GTPBP2: variants seen among roughly 807,000 people sequenced by gnomAD.
The protein encoded by GTPBP2 is GTP binding protein 2, also known as GTP-binding protein 2.
Under a neutral mutation model 63.0 loss-of-function variants are expected in GTPBP2, and 32 were observed. The ratio of observed to expected loss-of-function variants is 0.51; its 90% CI spans 0.38 to 0.68. The LOEUF is 0.68. Among genes scored for constraint, GTPBP2 ranks in the 30% least tolerant of loss-of-function variants. The pLI, the probability that GTPBP2 is intolerant of heterozygous loss-of-function variation, is 0.00. For synonymous variants in GTPBP2, 310 were observed against 322.6 expected (o/e 0.96, Z 0.42); for missense variants, 492 against 796.9 (o/e 0.62, Z 4.61).
In GTPBP2 at chr6:43,622,570, C is replaced by T. The variant is rs1364748008; in HGVS notation, c.1467+63G>A. 3.4e-6 allele frequency: 5 copies of T among 1,455,626 alleles called. No homozygotes were observed. Among genetic ancestry groups the T allele is most frequent in the Non-Finnish European group, 4.7e-6 (5 of 1,053,386 alleles). The allele number at this position is 1,455,626 out of a possible 1,614,324, so 90.2% of individuals were successfully genotyped here. A position where few individuals can be genotyped will look rare whatever the true frequency, so the allele number is the denominator to read the frequency against. Reference sequence around the variant, plus strand: ...GAAGCACCTTAGATAGGTGCTCATTCAGTAGCCAGTCTCCTAGGCACTTCT... The same window carrying T: ...GAAGCACCTTAGATAGGTGCTCATTTAGTAGCCAGTCTCCTAGGCACTTCT... On this transcript the variant is annotated intron_variant, in intron 10 of 11. Transcript: ENST00000307126. The surrounding 1 kb of genome is among the most constrained non-coding windows in gnomAD (Gnocchi z 5.4).
chr6:43,625,720 T>C lies in GTPBP2; in HGVS notation c.507+36A>G, dbSNP rs751688996. The C allele has an allele frequency of 6.5e-7, 1 of 1,529,174 alleles. No homozygotes were observed. 94.7% of individuals were successfully genotyped at this position (1,529,174 alleles called of 1,614,324 possible). ...CTGCCACCACAGGGCCCTTCCACAG[T>C]GTGGACATGAGAGACAGGGATGGGT... On this transcript the variant is annotated intron_variant, in intron 4 of 11. Transcript: ENST00000307126. The surrounding 1 kb of genome is among the most constrained non-coding windows in gnomAD (Gnocchi z 5.1).
upstream of GTPBP2, among the ~76,000 whole-genome samples, chr6:43,630,675 G>A (rs1380750582): frequency 2.0e-5 from 3 of 150,926 alleles, no homozygotes; most frequent in South Asian, 4.2e-4. Flanking sequence ...CCCGGGAGGC[G>A]GAGGTTGCAG....
intron 9 of GTPBP2, 111 bp downstream of exon 9, chr6:43,623,626 T>C: frequency 1.2e-6 from 1 of 801,800 alleles, no homozygotes. Context: ...CAAATAAGCA[T>C]GTCCTTTAAA....
rs772023317 is a variant in GTPBP2 at position 43,621,056 on chromosome 6, C to T, written c.*558G>A. 1 of 240,888 alleles carries T rather than the reference C, an allele frequency of 4.2e-6. No individual in the cohort carries two copies. The allele number at this position is 240,888 out of a possible 1,614,324, so 14.9% of individuals were successfully genotyped here. A position where few individuals can be genotyped will look rare whatever the true frequency, so the allele number is the denominator to read the frequency against. On this transcript the variant is annotated 3_prime_UTR_variant, in exon 12 of 12. Coordinates refer to ENST00000307126, the MANE Select transcript of GTPBP2 (RefSeq NM_019096.5). ...AAGCTGAGGAAGAGGCCTCAGGCCTCAGCACAGGGTGGCAACACTACCATT... is the reference window on the plus strand; with the variant it reads ...AAGCTGAGGAAGAGGCCTCAGGCCTTAGCACAGGGTGGCAACACTACCATT...
In GTPBP2 at chr6:43,624,990, C is replaced by T; in HGVS notation, c.778G>A (p.Asp260Asn). ...AGGTACTTATGGTGGCCTGCCAGGT[C>T]GATGAAGGTGATCATCTTGGAGCTG... ...ESSSKMITFI[D>N]LAGHHKYLHT... The change falls in exon 6 of 12, where the codon GAC (aspartate) becomes AAC (asparagine). Residue 260 changes from aspartate (D) to asparagine (N), a missense_variant. Coordinates refer to ENST00000307126, the MANE Select transcript of GTPBP2 (RefSeq NM_019096.5). The surrounding 1 kb of genome is among the most constrained non-coding windows in gnomAD (Gnocchi z 5.1). 6.2e-7 allele frequency: 1 copy of T among 1,613,868 alleles called. No homozygotes were observed. Among genetic ancestry groups the T allele is most frequent in the Non-Finnish European group, 8.5e-7 (1 of 1,179,922 alleles).
chr6:43,626,630 T>C lies in GTPBP2; in HGVS notation c.214-220A>G, dbSNP rs1438589800. ...GAAGGCTCTCAGAGAACTTATCCCA[T>C]GCTGGTGGATCACCAGAGGTCAGCA... On this transcript the variant is annotated intron_variant, in intron 2 of 11. Transcript: ENST00000307126. The surrounding 1 kb of genome is among the most constrained non-coding windows in gnomAD (Gnocchi z 4.0). Among the ~76,000 whole-genome samples, 3 of 152,120 alleles carry C rather than the reference T, an allele frequency of 2.0e-5. No individual in the cohort carries two copies. The highest frequency in any genetic ancestry group is 6.6e-5 in the Admixed American group (1 of 15,262).
chr6:43,628,262 G>T (rs760593512), intron 1 of GTPBP2, among the ~76,000 whole-genome samples: 5 of 152,148 alleles, frequency 3.3e-5, no homozygotes, highest in Non-Finnish European at 5.9e-5. Flanking sequence ...TACTCGGGAG[G>T]CTGCAGCAGA....
chr6:43,629,802 A>G, upstream of GTPBP2: 2 of 1,560,208 alleles, frequency 1.3e-6, no homozygotes, highest in Non-Finnish European at 8.7e-7. Context: ...GCGGAGGCGG[A>G]TGGTGATTAG....
Position 43,622,731 on chromosome 6 carries a change from A to G in GTPBP2, c.1369T>C (p.Cys457Arg). 2 of 1,614,100 alleles carry G rather than the reference A, an allele frequency of 1.2e-6. No homozygotes were observed. Among genetic ancestry groups the G allele is most frequent in the Non-Finnish European group, 1.7e-6 (2 of 1,179,962 alleles). The change falls in exon 10 of 12, where the codon TGC becomes CGC. Residue 457 changes from cysteine (C) to arginine (R), a missense_variant. Cys to Arg is a radical substitution (Grantham distance 180, BLOSUM62 -3). Transcript: ENST00000307126. This position sits in a 1 kb window ranked among gnomAD's most constrained non-coding sequence, Gnocchi z 5.4. ...GCAGAGCGGTTGCGCTGGATGCTGC[A>G]TACTCTCAGCTCCAGGAAGCAGCCA... ...DDGCFLELRV[C>R]SIQRNRSACR...
In GTPBP2 at chr6:43,621,394, G is replaced by T; in HGVS notation, c.*220C>A. The stretch of plus-strand genomic sequence containing the variant: ...GCCAACCAGGTGAGCACACAGCTTC[G>T]GAGCACTGCCCTGAATCCTGTCTTC... On this transcript the variant is annotated 3_prime_UTR_variant, in exon 12 of 12. Transcript: ENST00000307126. 1 of 1,521,798 alleles carries T rather than the reference G, an allele frequency of 6.6e-7. No individual in the cohort carries two copies. 94.3% of individuals were successfully genotyped at this position (1,521,798 alleles called of 1,614,324 possible).
chr6:43,625,155 G>C lies in GTPBP2; in HGVS notation c.706-93C>G. On this transcript the variant is annotated intron_variant, in intron 5 of 11. Coordinates refer to ENST00000307126, the MANE Select transcript of GTPBP2 (RefSeq NM_019096.5). This position sits in a 1 kb window ranked among gnomAD's most constrained non-coding sequence, Gnocchi z 5.1. ...CCTAAACCATTCCCTGGGTGACCCT[G>C]CCTCTTAATCTTGACCCCATTTTTT... The C allele has an allele frequency of 8.0e-7, 1 of 1,253,186 alleles. No homozygotes were observed. The highest frequency in any genetic ancestry group is 1.3e-5 in the South Asian group (1 of 74,174). 77.6% of individuals were successfully genotyped at this position (1,253,186 alleles called of 1,614,324 possible).
chr6:43,625,588 C>A lies in GTPBP2; in HGVS notation c.508-28G>T, dbSNP rs751335488. The A allele has an allele frequency of 1.4e-5, 22 of 1,556,274 alleles. No individual in the cohort carries two copies. In the African/African-American group the frequency reaches 2.4e-4, roughly 17 times the overall value. ...GTGGATGAATTGCCAGAGATAAGAA[C>A]TCCAATCTCTCACCCCTCTAACTGA... On this transcript the variant is annotated intron_variant, in intron 4 of 11. Coordinates refer to ENST00000307126, the MANE Select transcript of GTPBP2 (RefSeq NM_019096.5). This position sits in a 1 kb window ranked among gnomAD's most constrained non-coding sequence, Gnocchi z 5.1.
Position 43,625,287 on chromosome 6 carries a change from C to A in GTPBP2, c.705+76G>T. ...ATTTCAAAAAGTCTCCACACTCTAC[C>A]CCCATCCTATGTCCTTCACTACTAC... On this transcript the variant is annotated intron_variant, in intron 5 of 11. Transcript: ENST00000307126. This position sits in a 1 kb window ranked among gnomAD's most constrained non-coding sequence, Gnocchi z 5.1. 1 of 1,378,238 alleles carries A rather than the reference C, an allele frequency of 7.3e-7. No homozygotes were observed. The highest frequency in any genetic ancestry group is 1.2e-5 in the South Asian group (1 of 85,110). 85.4% of individuals were successfully genotyped at this position (1,378,238 alleles called of 1,614,324 possible).
Position 43,625,482 on chromosome 6 carries a change from C to T in GTPBP2, c.586G>A (p.Glu196Lys). ...GCCCGGCCCCGCCCATTGTCCAGCT[C>T]TCCCTGGGTCAGGACTCCAAGCAGA... ...STLLGVLTQG[E>K]LDNGRGRARL... The change falls in exon 5 of 12, where the codon GAG (glutamate) becomes AAG (lysine). Residue 196 changes from glutamate to lysine, a missense_variant. Glu to Lys is a moderately conservative substitution (Grantham distance 56). This residue lies in a region of GTPBP2 where 400 missense variants were observed against 710.8 expected (regional missense o/e 0.56). Transcript: ENST00000307126. This position sits in a 1 kb window ranked among gnomAD's most constrained non-coding sequence, Gnocchi z 5.1. 1 of 1,614,088 alleles carries T rather than the reference C, an allele frequency of 6.2e-7. No individual in the cohort carries two copies. The highest frequency in any genetic ancestry group is 8.5e-7 in the Non-Finnish European group (1 of 1,179,948).
upstream of GTPBP2, among the ~76,000 whole-genome samples, chr6:43,630,379 G>C (rs1769832532): frequency 6.6e-6 from 1 of 152,208 alleles, no homozygotes; most frequent in Non-Finnish European, 1.5e-5. Context: ...TCATGACTCA[G>C]ACCACTCACA....
chr6:43,627,832 C>T (rs1769495787), intron 1 of GTPBP2, among the ~76,000 whole-genome samples: 1 of 152,250 alleles, frequency 6.6e-6, no homozygotes, highest in Non-Finnish European at 1.5e-5. Context: ...AACAGGTCTT[C>T]ACTCATAATC....
Position 43,622,496 on chromosome 6 carries a change from A to C in GTPBP2, c.1467+137T>G. Reference sequence around the variant, plus strand: ...AGCTGTTTTTATAGTCTACGTAGCTAGACCAGAAGCTTCTTGGGTCAGAGA... The same window carrying C: ...AGCTGTTTTTATAGTCTACGTAGCTCGACCAGAAGCTTCTTGGGTCAGAGA... On this transcript the variant is annotated intron_variant, in intron 10 of 11. Coordinates refer to ENST00000307126, the MANE Select transcript of GTPBP2 (RefSeq NM_019096.5). This position sits in a 1 kb window ranked among gnomAD's most constrained non-coding sequence, Gnocchi z 5.4. 1.2e-6 allele frequency: 1 copy of C among 818,372 alleles called. No homozygotes were observed. The highest frequency in any genetic ancestry group is 2.0e-6 in the Non-Finnish European group (1 of 502,826). 50.7% of individuals were successfully genotyped at this position (818,372 alleles called of 1,614,324 possible).
intron 1 of GTPBP2, chr6:43,628,521 CT>C: frequency 1.0e-6 from 1 of 958,070 alleles, no homozygotes; most frequent in Non-Finnish European, 1.2e-6. Context: ...ACATACTGCT[CT>C]TTTCCCGAGT....
At chr6:43,623,896 G>C in intron 8 of GTPBP2, 37 bp downstream of exon 8, 1 of 1,613,446 alleles carries the variant, frequency 6.2e-7, no homozygotes, top group Non-Finnish European at 8.5e-7. Context: ...GCCCCTCCCT[G>C]TTTCCCAGCC....
Sources: gnomAD v4.1 joint callset for allele counts (sites outside exome capture counted in the v4.1 genomes callset) on GRCh38, gnomAD v4.1.1 for gene constraint, gnomAD v4.1.1 regional missense constraint, Gnocchi (gnomAD v3.1) non-coding constraint, MANE v1.5 for transcripts, NCBI Gene and HGNC (gene_info 2026-07-23, HGNC 2026-07-21) for gene names.